Variants in RTL1 observed in about 807,000 individuals in gnomAD.
RTL1 encodes the protein retrotransposon Gag like 1, also known as retrotransposon-like protein 1.
For missense variants in RTL1, 1,681 were observed against 1,767.5 expected (o/e 0.95, Z 0.88); for synonymous variants, 727 against 748.4 (o/e 0.97, Z 0.47).
At chr14:100,891,614 C>A (rs1316882860) in intron 3 of RTL1, among the ~76,000 whole-genome samples, 1 of 152,198 alleles carries the variant, frequency 6.6e-6, no homozygotes, top group Non-Finnish European at 1.5e-5. Context: ...ATCACTCTGC[C>A]CAGAATAACC....
At chr14:100,891,491 C>T (rs1476973737) in intron 3 of RTL1, among the ~76,000 whole-genome samples, 1 of 152,190 alleles carries the variant, frequency 6.6e-6, no homozygotes, top group African/African-American at 2.4e-5. Flanking sequence ...GACCCCCAGC[C>T]CCTCACCTTG....
chr14:100,887,620 G>A (rs1475722699), intron 3 of RTL1, among the ~76,000 whole-genome samples: 1 of 149,674 alleles, frequency 6.7e-6, no homozygotes, highest in East Asian at 2.0e-4. Context: ...CGGGAGTAGT[G>A]GCTCATGCCC....
intron 2 of RTL1, among the ~76,000 whole-genome samples, chr14:100,899,416 G>A (rs1396435804): frequency 2.0e-5 from 3 of 152,174 alleles, no homozygotes; most frequent in Non-Finnish European, 4.4e-5. Flanking sequence ...GAAGGACAGG[G>A]CTGAGAGCAA....
At position 100,893,834 on chromosome 14, in the gene RTL1, C is replaced by A. The variant is rs1407088020; in HGVS notation, c.-148-329G>T. On this transcript the variant is annotated intron_variant, in intron 2 of 3. Transcript: ENST00000649591. This position sits in a 1 kb window ranked among gnomAD's most constrained non-coding sequence, Gnocchi z 4.2. The stretch of plus-strand genomic sequence containing the variant: ...CCGAGGCCTTGGGACCTACACCCAC[C>A]CTCACACCCGGGCCCACGCTCACTT... Among the ~76,000 whole-genome samples the A allele has an allele frequency of 6.6e-6, 1 of 152,166 alleles. No individual in the cohort carries two copies. The highest frequency in any genetic ancestry group is 1.9e-4 in the East Asian group (1 of 5,176).
rs2038619868 is a variant in RTL1 at position 100,881,873 on chromosome 14, G to A, written c.2916C>T (p.Phe972=). The part of the protein sequence containing the change: ...LTVLLPGHWV[F]FFSHFNFDVM... ...CGTCAAAGTTGAAGTGGGAGAAGAA[G>A]AAGACCCAATGCCCGGGGAGAAGTA... Residue 972 remains phenylalanine, a synonymous_variant, in exon 4 of 4, where the codon TTC becomes TTT. Coordinates refer to ENST00000649591, the MANE Select transcript of RTL1 (RefSeq NM_001134888.3). This position sits in a 1 kb window ranked among gnomAD's most constrained non-coding sequence, Gnocchi z 6.6. 1 of 1,613,748 alleles carries A rather than the reference G, an allele frequency of 6.2e-7. No homozygotes were observed.
In RTL1 at chr14:100,893,706, G is replaced by A. The variant is rs757447147; in HGVS notation, c.-148-201C>T. Among the ~76,000 whole-genome samples the A allele has an allele frequency of 5.3e-4, 80 of 152,106 alleles. No individual in the cohort carries two copies. The highest frequency in any genetic ancestry group is 9.4e-4 in the Non-Finnish European group (64 of 68,032). On this transcript the variant is annotated intron_variant, in intron 2 of 3. Transcript: ENST00000649591. This position sits in a 1 kb window ranked among gnomAD's most constrained non-coding sequence, Gnocchi z 4.2. Reference sequence around the variant, plus strand: ...GATGCTTCCTGAGTGCTTACTATGCGCCAAGCGCTGCTTTCACCATTTTAC... The same window carrying A: ...GATGCTTCCTGAGTGCTTACTATGCACCAAGCGCTGCTTTCACCATTTTAC...
chr14:100,887,621 G>A (rs1167617592), intron 3 of RTL1, among the ~76,000 whole-genome samples: 2 of 148,742 alleles, frequency 1.3e-5, no homozygotes, highest in Non-Finnish European at 3.0e-5. Context: ...GGGAGTAGTG[G>A]CTCATGCCCG....
chr14:100,880,858 G>A lies in RTL1; in HGVS notation c.3931C>T (p.Arg1311Trp), dbSNP rs530589243. 4.3e-5 allele frequency: 66 copies of A among 1,550,260 alleles called. No homozygotes were observed. Among genetic ancestry groups the A allele is most frequent in the Admixed American group, 7.8e-5 (4 of 50,966 alleles). ...CTCAGGGCCCTGGCTGCCTGCTCCC[G>A]GCTGAGCAGGTGCAGCTGGCCATCT... Reference protein sequence around the residue: ...SADGQLHLLSREQAARALSQF... With the variant: ...SADGQLHLLSWEQAARALSQF... Residue 1311 changes from arginine to tryptophan, a missense_variant, in exon 4 of 4, where the codon CGG (arginine) becomes TGG (tryptophan). Arg to Trp is a moderately radical substitution (Grantham distance 101). Transcript: ENST00000649591.
intron 3 of RTL1, among the ~76,000 whole-genome samples, chr14:100,886,235 C>T (rs1252557241): frequency 2.0e-5 from 3 of 150,892 alleles, no homozygotes; most frequent in African/African-American, 4.9e-5. Context: ...AAAAAAACTG[C>T]GTTCCCCCTT....
chr14:100,902,849 AGACGGTGG>A (rs1363305757), intron 2 of RTL1, among the ~76,000 whole-genome samples: 1 of 152,210 alleles, frequency 6.6e-6, no homozygotes, highest in Non-Finnish European at 1.5e-5. Flanking sequence ...CTTGTGGAGT[AGACGGTGG>A]GACCCAGGGA....
rs559575105 is a variant in RTL1, at chr14:100,903,680, T to C, written c.-320A>G. On this transcript the variant is annotated 5_prime_UTR_variant, in exon 1 of 4. Transcript: ENST00000649591. ...GAGGCTCCCCACCACACCCTGCTGCTGAAGGCTGCTCAGCGAGGCTGTGCC... is the reference window on the plus strand; with the variant it reads ...GAGGCTCCCCACCACACCCTGCTGCCGAAGGCTGCTCAGCGAGGCTGTGCC... Among the ~76,000 whole-genome samples the C allele has an allele frequency of 1.3e-5, 2 of 152,310 alleles. No individual in the cohort carries two copies. The highest frequency in any genetic ancestry group is 1.9e-4 in the East Asian group (1 of 5,178).
chr14:100,882,856 C>T lies in RTL1; in HGVS notation c.1933G>A (p.Asp645Asn), dbSNP rs2038638529. The T allele has an allele frequency of 5.8e-6, 9 of 1,559,110 alleles. No homozygotes were observed. In the South Asian group the frequency reaches 5.9e-5, roughly 10 times the overall value. Residue 645 changes from aspartate (D) to asparagine (N), a missense_variant, in exon 4 of 4, where the codon GAC becomes AAC. Transcript: ENST00000649591. Reference protein sequence around the residue: ...DLQDMLTNRQDYIQMIPELFD... With the variant: ...DLQDMLTNRQNYIQMIPELFD... ...AGTTCCGGAATCATCTGTATGTAGT[C>T]CTGTCTGTTGGTCAGCATGTCCTGC...
At position 100,879,780 on chromosome 14, in the gene RTL1, T is replaced by G. The variant is rs2038580860; in HGVS notation, c.*932A>C. Among the ~76,000 whole-genome samples the G allele has an allele frequency of 7.0e-6, 1 of 142,156 alleles. No homozygotes were observed. The highest frequency in any genetic ancestry group is 2.5e-4 in the South Asian group (1 of 3,994). The allele number at this position is 142,156 out of a possible 152,430, so 93.3% of individuals were successfully genotyped here. A position where few individuals can be genotyped will look rare whatever the true frequency, so the allele number is the denominator to read the frequency against. On this transcript the variant is annotated 3_prime_UTR_variant, in exon 4 of 4. Coordinates refer to ENST00000649591, the MANE Select transcript of RTL1 (RefSeq NM_001134888.3). The stretch of plus-strand genomic sequence containing the variant: ...CTTTTAGTTTGCTTTATTTGAGGAG[T>G]GCAAAAAGATTGGGGGGTGAGAAAG...
At chr14:100,901,947 C>A (rs1363132342) in intron 2 of RTL1, among the ~76,000 whole-genome samples, 1 of 152,182 alleles carries the variant, frequency 6.6e-6, no homozygotes, top group African/African-American at 2.4e-5. Context: ...TGCCTGGTCC[C>A]CTCTGGCCAC....
In RTL1 at chr14:100,882,169, G is replaced by C. The variant is rs776369385; in HGVS notation, c.2620C>G (p.Pro874Ala). 6 of 1,550,494 alleles carry C rather than the reference G, an allele frequency of 3.9e-6. No homozygotes were observed. Among genetic ancestry groups the C allele is most frequent in the Middle Eastern group, 3.3e-4 (2 of 5,990 alleles). Residue 874 changes from proline to alanine, a missense_variant, in exon 4 of 4, where the codon CCA becomes GCA. By Grantham distance (27) the Pro-to-Ala change is conservative. Transcript: ENST00000649591. Reference protein sequence around the residue: ...PLLHHPKPQNPFYLETGVTGT... With the variant: ...PLLHHPKPQNAFYLETGVTGT... ...GTGACGCCGGTTTCCAAGTAGAATGGGTTCTGGGGCTTGGGGTGGTGGAGG... is the reference window on the plus strand; with the variant it reads ...GTGACGCCGGTTTCCAAGTAGAATGCGTTCTGGGGCTTGGGGTGGTGGAGG...
Position 100,893,983 on chromosome 14 carries a change from A to C in RTL1, c.-148-478T>G, listed in dbSNP as rs76770717. ...GGAAGCCTCCTGCCCTTGGTGGACA[A>C]CCATTTTGCTCTCTAGCAAATGGAT... On this transcript the variant is annotated intron_variant, in intron 2 of 3. Transcript: ENST00000649591. The surrounding 1 kb of genome is among the most constrained non-coding windows in gnomAD (Gnocchi z 4.2). Among the ~76,000 whole-genome samples, 662 of 152,302 alleles carry C rather than the reference A, an allele frequency of 4.3e-3. 2 individuals are homozygous for C. Among genetic ancestry groups the C allele is most frequent in the African/African-American group, 0.014 (564 of 41,568 alleles).
At position 100,893,071 on chromosome 14, in the gene RTL1, C is replaced by T. The variant is rs1182674412; in HGVS notation, c.-87+373G>A. Among the ~76,000 whole-genome samples, 2 of 152,088 alleles carry T rather than the reference C, an allele frequency of 1.3e-5. No homozygotes were observed. Among genetic ancestry groups the T allele is most frequent in the South Asian group, 2.1e-4 (1 of 4,818 alleles). ...GTTGGGACCTTCAGAGCCAGAGATG[C>T]CATCTTCATTCCATGGTGTTGATAC... On this transcript the variant is annotated intron_variant, in intron 3 of 3. Transcript: ENST00000649591. The surrounding 1 kb of genome is among the most constrained non-coding windows in gnomAD (Gnocchi z 4.2).
At position 100,884,527 on chromosome 14, in the gene RTL1, T is replaced by C; in HGVS notation, c.262A>G (p.Ile88Val). The C allele has an allele frequency of 6.2e-7, 1 of 1,613,732 alleles. No individual in the cohort carries two copies. Among genetic ancestry groups the C allele is most frequent in the Non-Finnish European group, 8.5e-7 (1 of 1,179,628 alleles). ...AGTAGGTCATTGGGTGGATCCTCTATTTCCTTACGTGGGCCACTGGATGGC... is the reference window on the plus strand; with the variant it reads ...AGTAGGTCATTGGGTGGATCCTCTACTTCCTTACGTGGGCCACTGGATGGC... ...EEPSSGPRKEIEDPPNDLLQD... is the reference protein window; with the variant it reads ...EEPSSGPRKEVEDPPNDLLQD... The change falls in exon 4 of 4, where the codon ATA becomes GTA. Residue 88 changes from isoleucine (I) to valine (V), a missense_variant. Ile to Val is a conservative substitution (Grantham distance 29, BLOSUM62 3). Coordinates refer to ENST00000649591, the MANE Select transcript of RTL1 (RefSeq NM_001134888.3).
At chr14:100,887,920 C>G (rs2038715682) in intron 3 of RTL1, among the ~76,000 whole-genome samples, 1 of 149,786 alleles carries the variant, frequency 6.7e-6, no homozygotes, top group South Asian at 2.1e-4. Context: ...GACCCGTCTC[C>G]TCAGCATGGA....
Sources: gnomAD v4.1 joint callset for allele counts (sites outside exome capture counted in the v4.1 genomes callset) on GRCh38, gnomAD v4.1.1 for gene constraint, Gnocchi (gnomAD v3.1) non-coding constraint, MANE v1.5 for transcripts, NCBI Gene and HGNC (gene_info 2026-07-23, HGNC 2026-07-21) for gene names.